The following FGF14 variants were observed in gnomAD, a reference collection of about 807,000 sequenced individuals.
FGF14 encodes the protein fibroblast growth factor homologous factor 4.
FGF14 carries 5 observed loss-of-function variants against 25.5 expected under a neutral mutation model. The observed-to-expected ratio is 0.20, with a 90% CI of 0.10 to 0.41. FGF14 has a LOEUF of 0.41. Among genes scored for constraint, FGF14 ranks in the 10% least tolerant of loss-of-function variants. The probability of loss-of-function intolerance (pLI) is 1.00; values close to 1 mark genes in which losing one functional copy is unlikely to be tolerated. For synonymous variants in FGF14, 138 were observed against 118.3 expected, an observed-to-expected ratio of 1.17 and a Z score of -1.08; for missense variants, 222 against 320.1, an observed-to-expected ratio of 0.69 and a Z score of 2.34.
chr13:101,810,404 C>T (rs952672387), intron 3 of FGF14, among the ~76,000 whole-genome samples: 1 of 152,178 alleles, frequency 6.6e-6, no homozygotes, highest in Non-Finnish European at 1.5e-5. Flanking sequence ...TAGTTCCATC[C>T]TTCCCACCAT....
At chr13:102,159,495 C>T (rs996190482) in intron 1 of FGF14, among the ~76,000 whole-genome samples, 3 of 152,210 alleles carry the variant, frequency 2.0e-5, no homozygotes, top group African/African-American at 4.8e-5. Context: ...CTCTTCTCCA[C>T]TGTTATTAAA....
intron 1 of FGF14, among the ~76,000 whole-genome samples, chr13:102,391,026 T>C (rs1255266476): frequency 2.6e-5 from 4 of 152,216 alleles, no homozygotes; most frequent in Non-Finnish European, 4.4e-5. Flanking sequence ...ATGTTTCTCA[T>C]TTACTCTCAG....
intron 1 of FGF14, among the ~76,000 whole-genome samples, chr13:101,902,964 T>C (rs1328051057): frequency 6.6e-6 from 1 of 152,200 alleles, no homozygotes; most frequent in Non-Finnish European, 1.5e-5. Context: ...GCTGATACTG[T>C]TATCTCAAAC....
chr13:101,953,787 A>T lies in FGF14; in HGVS notation c.209-78491T>A, dbSNP rs113431284. Reference sequence around the variant, plus strand: ...GTATTTTTAGTAGAGACGGGGTTTCACCATGTTGATCAGGCTGGTCATGAA... The same window carrying T: ...GTATTTTTAGTAGAGACGGGGTTTCTCCATGTTGATCAGGCTGGTCATGAA... On this transcript the variant is annotated intron_variant, in intron 1 of 4. Transcript: ENST00000376131. Among the ~76,000 whole-genome samples the T allele has an allele frequency of 9.3e-3, 1,406 of 151,800 alleles. 22 individuals carry two copies. Among genetic ancestry groups the T allele is most frequent in the African/African-American group, 0.032 (1,320 of 41,402 alleles).
At chr13:101,859,653 T>C (rs1043224470) in intron 3 of FGF14, among the ~76,000 whole-genome samples, 5 of 152,110 alleles carry the variant, frequency 3.3e-5, no homozygotes, top group Admixed American at 2.0e-4. Context: ...TTTGTGTGTT[T>C]GATATTTGTT....
chr13:101,928,160 G>T (rs2034499430), intron 1 of FGF14, among the ~76,000 whole-genome samples: 1 of 152,206 alleles, frequency 6.6e-6, no homozygotes, highest in East Asian at 1.9e-4. Flanking sequence ...TGGAAGGTCT[G>T]CTGCCCAGGA....
chr13:101,960,422 T>C lies in FGF14; in HGVS notation c.209-85126A>G, dbSNP rs549122934. ...CTCTCCATGTGTCCACATGTTCTCA[T>C]TGTTCAGCACCCACTTATAAGTGAA... is the stretch of plus-strand genomic sequence containing the variant. On this transcript the variant is annotated intron_variant, in intron 1 of 4. Coordinates refer to the FGF14 transcript ENST00000376131. 2.6e-5 allele frequency among the ~76,000 whole-genome samples: 4 copies of C among 152,328 alleles called. No individual in the cohort carries two copies. In the East Asian group the frequency reaches 5.8e-4, roughly 22 times the overall value.
chr13:102,176,349 T>C (rs960859899), intron 1 of FGF14, among the ~76,000 whole-genome samples: 2 of 152,226 alleles, frequency 1.3e-5, no homozygotes, highest in Middle Eastern at 3.4e-3. Flanking sequence ...TCCTCACTTA[T>C]AAGTGAGAGC....
intron 1 of FGF14, among the ~76,000 whole-genome samples, chr13:101,884,041 C>T (rs1431480396): frequency 3.2e-5 from 3 of 94,854 alleles, no homozygotes; most frequent in East Asian, 3.7e-4. Context: ...CCAGCCTGGG[C>T]AACAGAGTAA....
chr13:102,019,866 G>T (rs2040543194), intron 1 of FGF14, among the ~76,000 whole-genome samples: 2 of 152,236 alleles, frequency 1.3e-5, no homozygotes, highest in South Asian at 4.1e-4. Flanking sequence ...CCAAGAAAGA[G>T]GGTTATTCTA....
intron 1 of FGF14, among the ~76,000 whole-genome samples, chr13:102,014,836 G>T (rs922289302): frequency 2.0e-5 from 3 of 152,140 alleles, no homozygotes; most frequent in Non-Finnish European, 4.4e-5. Flanking sequence ...GAGGGCATGA[G>T]AATTAAGAAC....
intron 3 of FGF14, among the ~76,000 whole-genome samples, chr13:101,759,880 A>T (rs2037903461): frequency 6.6e-6 from 1 of 152,206 alleles, no homozygotes; most frequent in African/African-American, 2.4e-5. Context: ...TGAAAGGATC[A>T]GCCTGGAAGT....
intron 3 of FGF14, among the ~76,000 whole-genome samples, chr13:101,746,361 T>C (rs2139812777): frequency 6.6e-6 from 1 of 152,090 alleles, no homozygotes; most frequent in African/African-American, 2.4e-5. Flanking sequence ...CACCAGACAA[T>C]ATTCTCTATC....
chr13:102,180,594 G>C (rs1337974377), intron 1 of FGF14, among the ~76,000 whole-genome samples: 2 of 152,102 alleles, frequency 1.3e-5, no homozygotes, highest in Admixed American at 1.3e-4. Context: ...TTACAGGCGT[G>C]AGCCACCTCA....
At chr13:102,217,426 A>T (rs186625406) in intron 1 of FGF14, among the ~76,000 whole-genome samples, 1 of 152,332 alleles carries the variant, frequency 6.6e-6, no homozygotes, top group East Asian at 1.9e-4. Context: ...AATTTAACAG[A>T]CCCAATCTCA....
chr13:101,769,048 G>T (rs1230406762), intron 3 of FGF14, among the ~76,000 whole-genome samples: 3 of 151,608 alleles, frequency 2.0e-5, no homozygotes, highest in African/African-American at 7.3e-5. Flanking sequence ...TGGGAGGAAG[G>T]TTTTTTTTGC....
chr13:102,281,017 G>A (rs1478633563), intron 1 of FGF14, among the ~76,000 whole-genome samples: 1 of 152,176 alleles, frequency 6.6e-6, no homozygotes, highest in Admixed American at 6.5e-5. Flanking sequence ...AACGTGCTTG[G>A]AGAACTGGAC....
intron 3 of FGF14, among the ~76,000 whole-genome samples, chr13:101,750,671 G>T (rs1301834122): frequency 6.6e-6 from 1 of 152,224 alleles, no homozygotes; most frequent in Non-Finnish European, 1.5e-5. Context: ...CTGACCATAG[G>T]ATCTAAAAAC....
intron 1 of FGF14, among the ~76,000 whole-genome samples, chr13:101,949,880 C>G (rs2036044512): frequency 6.6e-6 from 1 of 152,184 alleles, no homozygotes; most frequent in Non-Finnish European, 1.5e-5. Context: ...AAATTCATTT[C>G]CCCTGCTTTC....
Sources: gnomAD v4.1 joint callset for allele counts (sites outside exome capture counted in the v4.1 genomes callset) on GRCh38, gnomAD v4.1.1 for gene constraint, MANE v1.5 for transcripts, NCBI Gene and HGNC (gene_info 2026-07-23, HGNC 2026-07-21) for gene names.